Variants in RAI1 observed in about 807,000 individuals in gnomAD.
RAI1 encodes retinoic acid-induced protein 1.
In RAI1, 9 loss-of-function variants were observed where a neutral mutation model predicts 123.8. The observed-to-expected ratio is 0.07, with a 90% confidence interval of 0.04 to 0.13. The LOEUF is 0.13. RAI1 is among the 10% of genes least tolerant of loss of function. The pLI is 1.00. For missense variants in RAI1, 2,256 were observed against 2,545.8 expected, an observed-to-expected ratio of 0.89 and a Z score of 2.45; for synonymous variants, 1,231 against 1,127.3, an observed-to-expected ratio of 1.09 and a Z score of -1.84.
At chr17:17,765,757 T>C (rs1421216992) in intron 2 of RAI1, 1 of 152,220 alleles carries the variant, frequency 6.6e-6, no homozygotes, top group Non-Finnish European at 1.5e-5. Context: ...TGTTCCCCAC[T>C]CTTGGACACA....
At chr17:17,764,472 CTTTT>C (rs60189169) in intron 2 of RAI1, among the ~76,000 whole-genome samples, 1 of 134,344 alleles carries the variant, frequency 7.4e-6, no homozygotes, top group Admixed American at 7.6e-5. Flanking sequence ...TTCTTTTCCT[CTTTT>C]TTTTTTTTTT....
chr17:17,746,770 G>C (rs2029942046), intron 2 of RAI1, among the ~76,000 whole-genome samples: 1 of 151,846 alleles, frequency 6.6e-6, no homozygotes. Flanking sequence ...CAAGTAGCTG[G>C]GATTACAGGC....
At chr17:17,747,676 T>C (rs1488266786) in intron 2 of RAI1, among the ~76,000 whole-genome samples, 1 of 152,062 alleles carries the variant, frequency 6.6e-6, no homozygotes, top group African/African-American at 2.4e-5. Flanking sequence ...CTCTTGTGCT[T>C]AGTCGCTTCT....
At chr17:17,688,079 CAAG>C (rs1914702972) in intron 1 of RAI1, among the ~76,000 whole-genome samples, 1 of 144,824 alleles carries the variant, frequency 6.9e-6, no homozygotes, top group Non-Finnish European at 1.5e-5. Context: ...ATCTGGAAAG[CAAG>C]GAGGTCCTAT....
chr17:17,803,609 C>G (rs2032531237), intron 3 of RAI1, 147 bp from the exon 4 acceptor site: 2 of 747,512 alleles, frequency 2.7e-6, no homozygotes, highest in Non-Finnish European at 4.8e-6. Context: ...TGGTATCAAA[C>G]TCCTGGACTC....
intron 2 of RAI1, chr17:17,776,939 A>C (rs1212578153): frequency 6.6e-6 from 1 of 152,166 alleles, no homozygotes; most frequent in East Asian, 1.9e-4. Context: ...TGCTGGCATT[A>C]CAGTGTGAGC....
intron 1 of RAI1, among the ~76,000 whole-genome samples, chr17:17,723,222 G>C (rs1417372554): frequency 6.6e-6 from 1 of 151,766 alleles, no homozygotes; most frequent in Non-Finnish European, 1.5e-5. Flanking sequence ...CACCCACGCA[G>C]TACCTCACGG....
intron 3 of RAI1, among the ~76,000 whole-genome samples, chr17:17,802,494 C>T (rs773553378): frequency 9.2e-5 from 14 of 152,158 alleles, no homozygotes; most frequent in Non-Finnish European, 1.8e-4. Flanking sequence ...AGCCAGTAGG[C>T]GGCCAGGCGC....
At chr17:17,786,370 A>G (rs1344104674) in intron 2 of RAI1, among the ~76,000 whole-genome samples, 2 of 152,206 alleles carry the variant, frequency 1.3e-5, no homozygotes, top group African/African-American at 4.8e-5. Flanking sequence ...TGTTCTGGAC[A>G]ATGGGGAGTA....
chr17:17,735,516 G>A (rs1916405224), intron 2 of RAI1, among the ~76,000 whole-genome samples: 1 of 150,720 alleles, frequency 6.6e-6, no homozygotes, highest in African/African-American at 2.4e-5. Flanking sequence ...ACCACGCCCG[G>A]CTGATTTTTT....
At chr17:17,689,767 G>A (rs74992006) in intron 1 of RAI1, among the ~76,000 whole-genome samples, 1,695 of 152,298 alleles carry the variant, frequency 0.011, 16 homozygotes, top group African/African-American at 0.029. Flanking sequence ...TAGGGTGGTC[G>A]TTTGTTCAAG....
At chr17:17,757,756 TTGAGATACAC>T (rs1292094125) in intron 2 of RAI1, among the ~76,000 whole-genome samples, 27 of 152,324 alleles carry the variant, frequency 1.8e-4, no homozygotes, top group Admixed American at 1.6e-3. Flanking sequence ...CGGAGACTAC[TTGAGATACAC>T]CTGCTCACGC....
intron 1 of RAI1, chr17:17,683,406 G>C (rs1331388283): frequency 4.6e-5 from 7 of 152,254 alleles, no homozygotes; most frequent in Non-Finnish European, 8.8e-5. Context: ...GTGGGGGGCA[G>C]CCCTCGCTGC....
intron 2 of RAI1, among the ~76,000 whole-genome samples, chr17:17,755,577 C>A (rs181608601): frequency 1.5e-3 from 227 of 152,276 alleles, no homozygotes; most frequent in Non-Finnish European, 2.3e-3. Context: ...ATTTCTCCAG[C>A]AGAGACCCTT....
chr17:17,735,434 A>C (rs541492743), intron 2 of RAI1, among the ~76,000 whole-genome samples: 4 of 149,054 alleles, frequency 2.7e-5, no homozygotes, highest in Admixed American at 2.7e-4. Context: ...GCTCACTGCA[A>C]TCTCCGCCTC....
intron 2 of RAI1, chr17:17,778,975 G>C (rs1158449957): frequency 2.2e-6 from 1 of 448,902 alleles, no homozygotes; most frequent in South Asian, 1.6e-5. Flanking sequence ...ACCGCAGAAA[G>C]TATTCTGTTC....
chr17:17,758,395 A>AGG (rs1338229732), intron 2 of RAI1, among the ~76,000 whole-genome samples: 1 of 152,176 alleles, frequency 6.6e-6, no homozygotes, highest in Non-Finnish European at 1.5e-5. Flanking sequence ...GGTGAAGACA[A>AGG]GGGGCCCTGA....
chr17:17,702,977 G>A (rs1915276127), intron 1 of RAI1, among the ~76,000 whole-genome samples: 2 of 152,226 alleles, frequency 1.3e-5, no homozygotes, highest in South Asian at 2.1e-4. Context: ...AGGAGGTGGG[G>A]CCCTGCCTTT....
At chr17:17,745,419 GTGTGTGTGTGTTTGTT>G (rs1916792244) in intron 2 of RAI1, among the ~76,000 whole-genome samples, 2 of 151,728 alleles carry the variant, frequency 1.3e-5, no homozygotes, top group African/African-American at 4.8e-5. Context: ...GTGTGTGTGT[GTGTGTGTGTGTTTGTT>G]TTTGTTTTTG....
Sources: allele counts gnomAD v4.1 joint callset (sites outside exome capture counted in the v4.1 genomes callset), GRCh38; gene constraint gnomAD v4.1.1; transcripts MANE v1.5; gene names NCBI Gene and HGNC (gene_info 2026-07-23, HGNC 2026-07-21).